The following GNAO1 variants were observed in gnomAD, a reference collection of about 807,000 sequenced individuals.
GNAO1 encodes the protein guanine nucleotide-binding protein G(o) subunit alpha.
For missense variants in GNAO1, 166 were observed against 478.7 expected (o/e 0.35, Z 6.10); for synonymous variants, 164 against 180.7 (o/e 0.91, Z 0.74).
At chr16:56,345,052 A>G in intron 6 of GNAO1, 3 of 984,686 alleles carry the variant, frequency 3.0e-6, no homozygotes, top group Non-Finnish European at 3.6e-6. Context: ...GCACAAACAC[A>G]CCCCCCTGTC....
chr16:56,237,537 A>T (rs1473894074), intron 2 of GNAO1, among the ~76,000 whole-genome samples: 1 of 152,160 alleles, frequency 6.6e-6, no homozygotes, highest in Admixed American at 6.5e-5. Flanking sequence ...CTCCCTGGAA[A>T]TCATTCTGAT....
At chr16:56,320,525 A>T (rs1412284352) in intron 3 of GNAO1, among the ~76,000 whole-genome samples, 4 of 152,234 alleles carry the variant, frequency 2.6e-5, no homozygotes, top group African/African-American at 9.6e-5. Context: ...CTGAATTTAC[A>T]GTCTGAAGCC....
At position 56,260,402 on chromosome 16, in the gene GNAO1, T is replaced by C. The variant is rs148500157; in HGVS notation, c.162-15529T>C. The stretch of plus-strand genomic sequence containing the variant: ...CTTCAACGTGCACCAATTTTAGGCT[T>C]GATTCACACTGAAAATTCCTCAGCT... On this transcript the variant is annotated intron_variant, in intron 2 of 8. Coordinates refer to ENST00000262493, the MANE Select transcript of GNAO1 (RefSeq NM_020988.3). Among the ~76,000 whole-genome samples, 162 of 152,272 alleles carry C rather than the reference T, an allele frequency of 1.1e-3. 1 individual carries two copies. Among genetic ancestry groups the C allele is most frequent in the African/African-American group, 3.7e-3 (154 of 41,544 alleles).
chr16:56,240,815 C>G (rs118021611), intron 2 of GNAO1, among the ~76,000 whole-genome samples: 1 of 152,058 alleles, frequency 6.6e-6, no homozygotes, highest in African/African-American at 2.4e-5. Flanking sequence ...TGCACAGTCA[C>G]GAGGAGAAGG....
chr16:56,351,306 A>G lies in GNAO1; in HGVS notation c.724-78A>G. The G allele has an allele frequency of 1.1e-5, 9 of 853,550 alleles. No individual in the cohort carries two copies. The highest frequency in any genetic ancestry group is 3.0e-5 in the South Asian group (2 of 66,582). The allele number at this position is 853,550 out of a possible 1,614,324, so 52.9% of individuals were successfully genotyped here. On this transcript the variant is annotated intron_variant, in intron 6 of 8. Transcript: ENST00000262493. The surrounding 1 kb of genome is among the most constrained non-coding windows in gnomAD (Gnocchi z 6.1). ...AGCCCAGTCCCTCTCTGTCAAGCCT[A>G]ATTCTCTCCTTCTCTTTCCCTGTCT...
intron 6 of GNAO1, among the ~76,000 whole-genome samples, chr16:56,342,364 G>A (rs2037814490): frequency 6.6e-6 from 1 of 152,182 alleles, no homozygotes; most frequent in South Asian, 2.1e-4. Context: ...CTCCAGCTTA[G>A]AGCTGCGGCT....
At chr16:56,348,202 G>T (rs528734131) in intron 6 of GNAO1, 4 of 984,536 alleles carry the variant, frequency 4.1e-6, no homozygotes, top group African/African-American at 3.5e-5. Context: ...CTTTCCTAGC[G>T]TGAGTGTGAT....
intron 5 of GNAO1, chr16:56,336,349 TG>T (rs2037739665): frequency 1.1e-5 from 2 of 179,490 alleles, no homozygotes; most frequent in Admixed American, 1.1e-4. Flanking sequence ...CAGGCTGGTT[TG>T]GAGTTTGCCC....
At chr16:56,197,739 A>G (rs1244149166) in intron 2 of GNAO1, among the ~76,000 whole-genome samples, 4 of 152,232 alleles carry the variant, frequency 2.6e-5, no homozygotes, top group African/African-American at 7.2e-5. Context: ...TTCTTTTAAC[A>G]CATGGAACTC....
chr16:56,279,093 G>T lies in GNAO1; in HGVS notation c.303+3021G>T, dbSNP rs183606008. Among the ~76,000 whole-genome samples, 442 of 152,062 alleles carry T rather than the reference G, an allele frequency of 2.9e-3. 7 individuals carry two copies. The highest frequency in any genetic ancestry group is 8.4e-4 in the Non-Finnish European group (57 of 67,960). The stretch of plus-strand genomic sequence containing the variant: ...TGCCACCCACCACCACTCATCAGGG[G>T]ATGTCTGGAGGAAGACAACCCCACT... On this transcript the variant is annotated intron_variant, in intron 3 of 8. Coordinates refer to ENST00000262493, the MANE Select transcript of GNAO1 (RefSeq NM_020988.3).
At chr16:56,289,400 C>G (rs2037208098) in intron 3 of GNAO1, among the ~76,000 whole-genome samples, 2 of 152,192 alleles carry the variant, frequency 1.3e-5, no homozygotes. Context: ...ATGGTCCCCA[C>G]CCGGTGGGGA....
At chr16:56,238,735 G>A (rs933039273) in intron 2 of GNAO1, among the ~76,000 whole-genome samples, 1 of 152,128 alleles carries the variant, frequency 6.6e-6, no homozygotes. Context: ...TAATAATTTT[G>A]TTACACAATT....
At chr16:56,270,912 G>A (rs77123123) in intron 2 of GNAO1, 1,901 of 152,288 alleles carry the variant, frequency 0.012, 16 homozygotes, top group Admixed American at 0.02. Context: ...TAGATGAACA[G>A]CCCACCTGGG....
rs572465892 is a variant in GNAO1, at chr16:56,324,453, T to A, written c.304-4178T>A. Among the ~76,000 whole-genome samples, 3 of 152,338 alleles carry A rather than the reference T, an allele frequency of 2.0e-5. No individual in the cohort carries two copies. In the South Asian group the frequency reaches 6.2e-4, roughly 32 times the overall value. ...CAAAGAAGGAAGAGTTGGAAAACTC[T>A]TGCCAGGTCCACCACCCGCATTCCT... On this transcript the variant is annotated intron_variant, in intron 3 of 8. Coordinates refer to ENST00000262493, the MANE Select transcript of GNAO1 (RefSeq NM_020988.3).
chr16:56,270,419 G>GAC (rs148497109), intron 2 of GNAO1: 7,356 of 146,298 alleles, frequency 0.05, 165 homozygotes, highest in South Asian at 0.082. Context: ...TCCCCACCCT[G>GAC]ACACACACAC....
intron 3 of GNAO1, among the ~76,000 whole-genome samples, chr16:56,281,889 C>T (rs960502915): frequency 7.9e-5 from 12 of 152,220 alleles, no homozygotes; most frequent in Non-Finnish European, 1.6e-4. Flanking sequence ...GTTCATCATA[C>T]ACACACATGT....
At chr16:56,224,625 G>A (rs1415622959) in intron 2 of GNAO1, among the ~76,000 whole-genome samples, 2 of 152,108 alleles carry the variant, frequency 1.3e-5, no homozygotes, top group Admixed American at 6.5e-5. Context: ...TGACTACAGC[G>A]TGCATCACCA....
At chr16:56,314,099 A>G (rs1188615477) in intron 3 of GNAO1, among the ~76,000 whole-genome samples, 1 of 152,252 alleles carries the variant, frequency 6.6e-6, no homozygotes, top group African/African-American at 2.4e-5. Flanking sequence ...GAATGTTGAC[A>G]CATTTCAGCA....
At chr16:56,312,565 G>A (rs1480579964) in intron 3 of GNAO1, among the ~76,000 whole-genome samples, 7 of 152,178 alleles carry the variant, frequency 4.6e-5, no homozygotes, top group Admixed American at 3.9e-4. Context: ...GTCCCTCCTC[G>A]ACCCCAACTC....
Sources: gnomAD v4.1 joint callset for allele counts (sites outside exome capture counted in the v4.1 genomes callset) on GRCh38, gnomAD v4.1.1 for gene constraint, Gnocchi (gnomAD v3.1) non-coding constraint, MANE v1.5 for transcripts, NCBI Gene and HGNC (gene_info 2026-07-23, HGNC 2026-07-21) for gene names.